The following FAM149B1 variants were observed in gnomAD, a reference collection of about 807,000 sequenced individuals.
FAM149B1 encodes the protein primary cilium assembly protein FAM149B1.
Under a neutral mutation model 75.3 loss-of-function variants are expected in FAM149B1, and 56 were observed. That is an observed-to-expected ratio of 0.74 (90% CI 0.60 to 0.93). FAM149B1 has a LOEUF of 0.93. Among genes scored for constraint, FAM149B1 ranks in the 40% least tolerant of loss-of-function variants. The probability of loss-of-function intolerance (pLI) is 0.00; values close to 1 mark genes in which losing one functional copy is unlikely to be tolerated. For synonymous variants in FAM149B1, 259 were observed against 256.1 expected (o/e 1.01, Z -0.11); for missense variants, 639 against 708.4 (o/e 0.90, Z 1.11).
At chr10:73,239,470 C>T in intron 13 of FAM149B1, 86 bp downstream of exon 13, 1 of 960,168 alleles carries the variant, frequency 1.0e-6, no homozygotes, top group Non-Finnish European at 1.6e-6. Flanking sequence ...CCTATTTCCC[C>T]TTCTTTCAGA....
intron 5 of FAM149B1, among the ~76,000 whole-genome samples, chr10:73,203,679 G>C (rs915430175): frequency 7.4e-5 from 11 of 149,462 alleles, no homozygotes; most frequent in Admixed American, 6.6e-4. Context: ...TCACTCTGTT[G>C]CCCAGGCTGA....
chr10:73,243,531 G>A lies in FAM149B1; in HGVS notation c.*2512G>A, dbSNP rs751678929. 1.3e-5 allele frequency: 21 copies of A among 1,613,674 alleles called. No individual in the cohort carries two copies. The highest frequency in any genetic ancestry group is 1.8e-5 in the Non-Finnish European group (21 of 1,179,968). ...TCCTTTTGTCTGCTCTGTTTGAGAA[G>A]TTAAAACACAAGCTTTCACAACATT... On this transcript the variant is annotated 3_prime_UTR_variant, in exon 14 of 14. Coordinates refer to ENST00000242505, the MANE Select transcript of FAM149B1 (RefSeq NM_173348.2).
intron 1 of FAM149B1, among the ~76,000 whole-genome samples, chr10:73,173,431 T>TAGAG (rs59506896): frequency 0.16 from 23,890 of 152,126 alleles, 3,106 homozygotes; most frequent in African/African-American, 0.33. Flanking sequence ...TAAATCAAGA[T>TAGAG]AGCTGTTTCA....
chr10:73,235,251 A>G lies in FAM149B1; in HGVS notation c.1535A>G (p.Gln512Arg), dbSNP rs760404543. The change falls in exon 12 of 14, where the codon CAG (glutamine) becomes CGG (arginine). Residue 512 changes from glutamine (Q) to arginine (R), a missense_variant. Physicochemically the swap from Gln to Arg is conservative, Grantham distance 43. Coordinates refer to ENST00000242505, the MANE Select transcript of FAM149B1 (RefSeq NM_173348.2). ...GCGGTGGTGGATGAACCTAACTATC[A>G]GCAGCCACAAGAAAGGCTCCTTTTG... ...QSAVVDEPNY[Q>R]QPQERLLLPD... is the part of the protein sequence containing the mutation. The G allele has an allele frequency of 1.3e-4, 197 of 1,551,762 alleles. 2 individuals carry two copies. Among genetic ancestry groups the G allele is most frequent in the Middle Eastern group, 1.7e-4 (1 of 6,012 alleles).
At chr10:73,204,771 CTTTTTTTTTTTTT>C (rs772508767) in intron 5 of FAM149B1, among the ~76,000 whole-genome samples, 1 of 92,952 alleles carries the variant, frequency 1.1e-5, no homozygotes. Context: ...TGTGATTATT[CTTTTTTTTTTTTT>C]TTTTTTTTTT....
chr10:73,215,152 C>A (rs1184665318), intron 7 of FAM149B1, among the ~76,000 whole-genome samples: 1 of 152,094 alleles, frequency 6.6e-6, no homozygotes, highest in Non-Finnish European at 1.5e-5. Context: ...TCCCAAGTAG[C>A]TGGGATTATG....
At chr10:73,231,967 G>A (rs975798166) in intron 9 of FAM149B1, among the ~76,000 whole-genome samples, 1 of 151,642 alleles carries the variant, frequency 6.6e-6, no homozygotes, top group African/African-American at 2.4e-5. Context: ...AGAGAGGCAG[G>A]AAGACCAGAA....
At chr10:73,171,773 T>TGCCCGCC (rs1450135972) in intron 1 of FAM149B1, among the ~76,000 whole-genome samples, 1 of 151,672 alleles carries the variant, frequency 6.6e-6, no homozygotes, top group African/African-American at 2.4e-5. Flanking sequence ...GGACTACAGG[T>TGCCCGCC]GCCCGCCACC....
intron 3 of FAM149B1, among the ~76,000 whole-genome samples, chr10:73,181,096 T>A (rs2042386763): frequency 6.6e-6 from 1 of 151,146 alleles, no homozygotes; most frequent in South Asian, 2.1e-4. Flanking sequence ...AAGCTCCGCC[T>A]CCCGGGTTCA....
chr10:73,171,494 C>G (rs1015456747), intron 1 of FAM149B1, among the ~76,000 whole-genome samples: 4 of 152,066 alleles, frequency 2.6e-5, no homozygotes, highest in Non-Finnish European at 5.9e-5. Flanking sequence ...TTTCAACATA[C>G]AGCTTAACAT....
At chr10:73,204,372 G>A (rs933944316) in intron 5 of FAM149B1, among the ~76,000 whole-genome samples, 36 of 152,058 alleles carry the variant, frequency 2.4e-4, no homozygotes, top group African/African-American at 8.7e-4. Flanking sequence ...TGATCTGCCT[G>A]CCTCAGCCTC....
chr10:73,228,912 T>TA (rs1323721511), intron 8 of FAM149B1, among the ~76,000 whole-genome samples: 1 of 152,088 alleles, frequency 6.6e-6, no homozygotes, highest in East Asian at 1.9e-4. Context: ...GTTTGTTTTT[T>TA]AGAGAGAGGA....
chr10:73,200,019 T>A, intron 5 of FAM149B1: 1 of 202,548 alleles, frequency 4.9e-6, no homozygotes. Flanking sequence ...AGAGAACTAT[T>A]ATTCCCTGTA....
chr10:73,227,559 T>TCTTAAAA (rs2043580379), intron 7 of FAM149B1, among the ~76,000 whole-genome samples: 1 of 152,208 alleles, frequency 6.6e-6, no homozygotes, highest in East Asian at 1.9e-4. Context: ...TTCTTAAAAG[T>TCTTAAAA]GATTTCTAAT....
intron 4 of FAM149B1, 27 bp from the exon 5 acceptor site, chr10:73,193,450 T>C (rs1238008029): frequency 1.3e-6 from 2 of 1,540,614 alleles, no homozygotes; most frequent in African/African-American, 1.4e-5. Flanking sequence ...AGGTACTTAA[T>C]TGTGTCTGTG....
intron 3 of FAM149B1, among the ~76,000 whole-genome samples, chr10:73,185,212 T>C (rs1267100099): frequency 6.6e-6 from 1 of 152,222 alleles, no homozygotes; most frequent in South Asian, 2.1e-4. Context: ...AATTGGGTTA[T>C]TTCTATCTAT....
At chr10:73,190,234 G>C (rs2133331118) in intron 3 of FAM149B1, among the ~76,000 whole-genome samples, 1 of 150,852 alleles carries the variant, frequency 6.6e-6, no homozygotes, top group Non-Finnish European at 1.5e-5. Context: ...CAAAGAAGTA[G>C]TCACTGATTT....
intron 5 of FAM149B1, among the ~76,000 whole-genome samples, chr10:73,195,554 T>C (rs2042784523): frequency 6.6e-6 from 1 of 152,222 alleles, no homozygotes; most frequent in African/African-American, 2.4e-5. Flanking sequence ...GTAAACTTTA[T>C]ATGTGCCTTA....
At chr10:73,214,836 CT>C (rs2043260939) in intron 7 of FAM149B1, among the ~76,000 whole-genome samples, 1 of 152,012 alleles carries the variant, frequency 6.6e-6, no homozygotes, top group African/African-American at 2.4e-5. Context: ...GAATTCCCTC[CT>C]TTTTAATTTT....
Sources: gnomAD v4.1 joint callset for allele counts (sites outside exome capture counted in the v4.1 genomes callset) on GRCh38, gnomAD v4.1.1 for gene constraint, MANE v1.5 for transcripts, NCBI Gene and HGNC (gene_info 2026-07-23, HGNC 2026-07-21) for gene names.